LARS1: variants seen among roughly 807,000 people sequenced by gnomAD.
LARS1 encodes leucine--tRNA ligase, cytoplasmic.
Under a neutral mutation model 162.8 loss-of-function variants are expected in LARS1, and 100 were observed. The observed-to-expected ratio is 0.61, with a 90% CI of 0.52 to 0.73. The LOEUF (loss-of-function observed/expected upper bound fraction) is 0.73, where lower values mean the gene tolerates loss of function less well. LARS1 is among the 30% of genes least tolerant of loss of function. The probability of loss-of-function intolerance (pLI) is 0.00; values close to 1 mark genes in which losing one functional copy is unlikely to be tolerated. For missense variants in LARS1, 1,258 were observed against 1,408.9 expected (o/e 0.89, Z 1.71); for synonymous variants, 457 against 462.8 (o/e 0.99, Z 0.16).
intron 5 of LARS1, 39 bp downstream of exon 5, chr5:146,168,089 T>C (rs760859112): frequency 9.1e-6 from 14 of 1,540,750 alleles, no homozygotes; most frequent in Non-Finnish European, 1.2e-5. Context: ...CAGAAAAATA[T>C]AAAACTTCAA....
intron 14 of LARS1, 105 bp downstream of exon 14, chr5:146,151,757 A>G: frequency 9.5e-7 from 1 of 1,049,040 alleles, no homozygotes; most frequent in Non-Finnish European, 1.4e-6. Flanking sequence ...CTCTCAAATC[A>G]ATGTATAGCT....
intron 5 of LARS1, among the ~76,000 whole-genome samples, chr5:146,166,027 T>C (rs914027771): frequency 3.3e-5 from 5 of 152,206 alleles, no homozygotes; most frequent in Admixed American, 2.0e-4. Flanking sequence ...CAGATGTGTA[T>C]GCATGGCTTA....
chr5:146,174,523 T>TATATGTATACATCC (rs1239873922), intron 2 of LARS1, among the ~76,000 whole-genome samples: 19 of 14,758 alleles, frequency 1.3e-3, no homozygotes, highest in African/African-American at 1.9e-3. Context: ...TATATATCCA[T>TATATGTATACATCC]ATATATATAT....
intron 20 of LARS1, among the ~76,000 whole-genome samples, chr5:146,141,888 C>T (rs923154645): frequency 1.3e-5 from 2 of 152,052 alleles, no homozygotes; most frequent in South Asian, 2.1e-4. Flanking sequence ...GGGCTGGGCA[C>T]GGTGGCTCAT....
At chr5:146,150,413 T>C (rs1753218915) in intron 14 of LARS1, among the ~76,000 whole-genome samples, 1 of 152,136 alleles carries the variant, frequency 6.6e-6, no homozygotes, top group African/African-American at 2.4e-5. Flanking sequence ...TACTTCAATA[T>C]CTATTTAATC....
At chr5:146,178,528 C>G (rs1182577098) in intron 1 of LARS1, among the ~76,000 whole-genome samples, 1 of 151,492 alleles carries the variant, frequency 6.6e-6, no homozygotes, top group East Asian at 1.9e-4. Flanking sequence ...GCAGGAGAAT[C>G]GCTTGAACCT....
chr5:146,179,748 T>C (rs1426633986), intron 1 of LARS1: 3 of 386,362 alleles, frequency 7.8e-6, no homozygotes, highest in Non-Finnish European at 1.6e-5. Flanking sequence ...TACAGGCATA[T>C]GCACCACCAT....
rs565284747 is a variant in LARS1 at position 146,182,377 on chromosome 5, G to A, written c.6+111C>T. 10 of 1,415,260 alleles carry A rather than the reference G, an allele frequency of 7.1e-6. No individual in the cohort carries two copies. The Admixed American group carries it at 1.0e-4, about 14-fold the overall frequency. 87.7% of individuals were successfully genotyped at this position (1,415,260 alleles called of 1,614,324 possible). On this transcript the variant is annotated intron_variant, in intron 1 of 31. Transcript: ENST00000394434. ...TCTCTACGAAAGGCACGCCTTAAGCGTGGCTCTCTTTTAGAAAAGGACTTT... is the reference window on the plus strand; with the variant it reads ...TCTCTACGAAAGGCACGCCTTAAGCATGGCTCTCTTTTAGAAAAGGACTTT...
chr5:146,160,368 A>G lies in LARS1; in HGVS notation c.707+6T>C. ...GCTTTATTATGCTCAAGTATAACAA[A>G]CTTACCGCTTCCCAAATTTAATTTT... is the stretch of plus-strand genomic sequence containing the variant. On this transcript the variant is annotated splice_donor_region_variant and intron_variant, in intron 7 of 31. Transcript: ENST00000394434. 6.7e-7 allele frequency: 1 copy of G among 1,497,476 alleles called. No individual in the cohort carries two copies. The highest frequency in any genetic ancestry group is 9.1e-7 in the Non-Finnish European group (1 of 1,096,330). The allele number at this position is 1,497,476 out of a possible 1,614,324, so 92.8% of individuals were successfully genotyped here.
chr5:146,150,901 C>T (rs1056800450), intron 14 of LARS1, among the ~76,000 whole-genome samples: 3 of 150,018 alleles, frequency 2.0e-5, no homozygotes, highest in South Asian at 2.1e-4. Flanking sequence ...ATTGAGCCAC[C>T]GCACTCCAGC....
At chr5:146,148,319 A>C (rs891792189) in intron 15 of LARS1, among the ~76,000 whole-genome samples, 3 of 152,232 alleles carry the variant, frequency 2.0e-5, no homozygotes, top group African/African-American at 7.2e-5. Flanking sequence ...TTCAGACTAA[A>C]GCCAGAAAGC....
intron 5 of LARS1, among the ~76,000 whole-genome samples, chr5:146,165,260 G>C (rs1001928622): frequency 6.6e-6 from 1 of 152,292 alleles, no homozygotes; most frequent in Non-Finnish European, 1.5e-5. Context: ...CTTGAACCGG[G>C]AGGCGGAGGT....
At chr5:146,156,821 C>G (rs772525266) in intron 10 of LARS1, among the ~76,000 whole-genome samples, 1 of 148,596 alleles carries the variant, frequency 6.7e-6, no homozygotes, top group Non-Finnish European at 1.5e-5. Context: ...TTAGTATTAC[C>G]AGGAATTCAG....
At chr5:146,156,731 G>A (rs1753545550) in intron 10 of LARS1, among the ~76,000 whole-genome samples, 1 of 150,500 alleles carries the variant, frequency 6.6e-6, no homozygotes, top group African/African-American at 2.4e-5. Context: ...TAGATGAGCT[G>A]TGTAACCATC....
chr5:146,177,533 A>C lies in LARS1; in HGVS notation c.125+14T>G, dbSNP rs1434455280. ...AGAAATACAATGTGCAGAACTTCAC[A>C]AACTATTACTCACCTGGTCTGTTTC... is the stretch of plus-strand genomic sequence containing the variant. On this transcript the variant is annotated intron_variant, in intron 2 of 31. Transcript: ENST00000394434. 9.3e-7 allele frequency: 1 copy of C among 1,072,850 alleles called. No individual in the cohort carries two copies. Among genetic ancestry groups the C allele is most frequent in the South Asian group, 1.4e-5 (1 of 73,730 alleles). The allele number at this position is 1,072,850 out of a possible 1,614,324, so 66.5% of individuals were successfully genotyped here.
At chr5:146,127,595 T>C (rs1001700928) in intron 27 of LARS1, among the ~76,000 whole-genome samples, 32 of 152,128 alleles carry the variant, frequency 2.1e-4, no homozygotes, top group Non-Finnish European at 4.3e-4. Flanking sequence ...GTTCTTCCAC[T>C]GCTTCCTTGA....
At chr5:146,174,950 T>C (rs1304421526) in intron 2 of LARS1, among the ~76,000 whole-genome samples, 4 of 152,150 alleles carry the variant, frequency 2.6e-5, no homozygotes, top group African/African-American at 4.8e-5. Context: ...CTGGGTGCAG[T>C]GGCCCATGCC....
At chr5:146,117,926 T>C (rs967455026) in intron 31 of LARS1, among the ~76,000 whole-genome samples, 2 of 152,238 alleles carry the variant, frequency 1.3e-5, no homozygotes, top group African/African-American at 4.8e-5. Flanking sequence ...TAAATTTGTA[T>C]AGCCACTATA....
chr5:146,166,938 A>C (rs935722015), intron 5 of LARS1, among the ~76,000 whole-genome samples: 2 of 152,216 alleles, frequency 1.3e-5, no homozygotes, highest in African/African-American at 4.8e-5. Context: ...ACCAATAATA[A>C]GACATATCAG....
Sources: allele counts gnomAD v4.1 joint callset (sites outside exome capture counted in the v4.1 genomes callset), GRCh38; gene constraint gnomAD v4.1.1; transcripts MANE v1.5; gene names NCBI Gene and HGNC (gene_info 2026-07-23, HGNC 2026-07-21).